The following NLGN1 variants were observed in gnomAD, a reference collection of about 807,000 sequenced individuals.
NLGN1 encodes the protein neuroligin-1.
Under a neutral mutation model 65.5 loss-of-function variants are expected in NLGN1, and 12 were observed. The ratio of observed to expected loss-of-function variants is 0.18; its 90% CI spans 0.12 to 0.30. The LOEUF (loss-of-function observed/expected upper bound fraction) is 0.30. NLGN1 is among the 10% of genes least tolerant of loss of function. NLGN1 has a pLI of 1.00. For synonymous variants in NLGN1, 350 were observed against 359.5 expected, an observed-to-expected ratio of 0.97 and a Z score of 0.30; for missense variants, 750 against 1,007.1, an observed-to-expected ratio of 0.74 and a Z score of 3.46.
At chr3:174,047,485 A>C (rs911348516) in intron 4 of NLGN1, among the ~76,000 whole-genome samples, 1 of 152,098 alleles carries the variant, frequency 6.6e-6, no homozygotes, top group East Asian at 1.9e-4. Flanking sequence ...CACCATATGC[A>C]CATACTATTG....
At chr3:173,789,099 T>C (rs1268456128) in intron 3 of NLGN1, among the ~76,000 whole-genome samples, 2 of 151,566 alleles carry the variant, frequency 1.3e-5, no homozygotes, top group South Asian at 2.1e-4. Context: ...CTCAGGAGGC[T>C]GAGGAAGGAG....
intron 4 of NLGN1, among the ~76,000 whole-genome samples, chr3:174,167,004 C>G (rs1727619337): frequency 6.6e-6 from 1 of 151,904 alleles, no homozygotes. Flanking sequence ...AATTGCAACC[C>G]CTACTCTTTT....
At chr3:173,861,360 TA>T (rs879814820) in intron 4 of NLGN1, among the ~76,000 whole-genome samples, 54 of 149,906 alleles carry the variant, frequency 3.6e-4, no homozygotes, top group African/African-American at 1.2e-3. Flanking sequence ...CACTAGAAAT[TA>T]AAAAAAAATG....
chr3:173,697,248 A>G (rs1003648239), intron 3 of NLGN1, among the ~76,000 whole-genome samples: 7 of 152,272 alleles, frequency 4.6e-5, no homozygotes, highest in African/African-American at 1.7e-4. Flanking sequence ...TGTCAGAAGG[A>G]TATGCTTGGG....
chr3:174,018,873 A>G (rs932664110), intron 4 of NLGN1, among the ~76,000 whole-genome samples: 3 of 152,176 alleles, frequency 2.0e-5, no homozygotes, highest in African/African-American at 7.2e-5. Context: ...GTTAAACCTA[A>G]TACTATATTT....
intron 3 of NLGN1, among the ~76,000 whole-genome samples, chr3:173,714,439 A>C (rs1769509092): frequency 2.0e-5 from 3 of 152,146 alleles, no homozygotes; most frequent in Admixed American, 2.0e-4. Context: ...TTCTTAGGCT[A>C]GGAGAAATGG....
chr3:173,781,448 A>C (rs1781146549), intron 3 of NLGN1, among the ~76,000 whole-genome samples: 1 of 152,198 alleles, frequency 6.6e-6, no homozygotes, highest in Non-Finnish European at 1.5e-5. Flanking sequence ...AATATAAAAA[A>C]ATTGAATTTG....
At chr3:174,106,478 TG>T (rs1438261579) in intron 4 of NLGN1, among the ~76,000 whole-genome samples, 1 of 152,076 alleles carries the variant, frequency 6.6e-6, no homozygotes, top group Non-Finnish European at 1.5e-5. Context: ...AAGAATTAAT[TG>T]TGTTCACATA....
At chr3:173,419,644 T>C (rs1413667201) in intron 1 of NLGN1, among the ~76,000 whole-genome samples, 1 of 152,088 alleles carries the variant, frequency 6.6e-6, no homozygotes, top group Admixed American at 6.6e-5. Flanking sequence ...CCTGGCTCTG[T>C]TGTCTGATTC....
At chr3:173,496,245 T>G (rs1359669821) in intron 2 of NLGN1, among the ~76,000 whole-genome samples, 1 of 151,828 alleles carries the variant, frequency 6.6e-6, no homozygotes, top group African/African-American at 2.4e-5. Context: ...GCTGCCATCA[T>G]GGGCTCTTAA....
At chr3:174,272,514 C>G (rs1159468885) in intron 4 of NLGN1, among the ~76,000 whole-genome samples, 2 of 151,660 alleles carry the variant, frequency 1.3e-5, no homozygotes, top group Non-Finnish European at 3.0e-5. Flanking sequence ...TATCTCTCTA[C>G]CAGGTCTGAA....
chr3:174,084,286 A>G (rs1332642969), intron 4 of NLGN1, among the ~76,000 whole-genome samples: 1 of 152,184 alleles, frequency 6.6e-6, no homozygotes, highest in Non-Finnish European at 1.5e-5. Flanking sequence ...AAAATAATCT[A>G]CAGGCACTTA....
At chr3:173,820,116 T>C (rs1409660276) in intron 4 of NLGN1, among the ~76,000 whole-genome samples, 1 of 151,002 alleles carries the variant, frequency 6.6e-6, no homozygotes, top group African/African-American at 2.4e-5. Flanking sequence ...GAGGCGGAGC[T>C]TGCAGTGAGC....
rs981883298 is a variant in NLGN1 at position 173,932,037 on chromosome 3, T to A, written c.646+124205T>A. Reference sequence around the variant, plus strand: ...TTTTTCTGTTTTGTTTTGTTTTGTTTTGTTTTGTTTTCCAGAGCAAATGGA... The same window carrying A: ...TTTTTCTGTTTTGTTTTGTTTTGTTATGTTTTGTTTTCCAGAGCAAATGGA... On this transcript the variant is annotated intron_variant, in intron 4 of 6. Coordinates refer to ENST00000457714, the Ensembl canonical transcript of NLGN1. Among the ~76,000 whole-genome samples, 4 of 152,248 alleles carry A rather than the reference T, an allele frequency of 2.6e-5. No individual in the cohort carries two copies. In the South Asian group the frequency reaches 6.2e-4, roughly 24 times the overall value.
chr3:173,541,277 A>G (rs1035488522), intron 2 of NLGN1, among the ~76,000 whole-genome samples: 1 of 152,142 alleles, frequency 6.6e-6, no homozygotes, highest in Non-Finnish European at 1.5e-5. Flanking sequence ...ATGAAATATA[A>G]TCCTAGTGTA....
intron 4 of NLGN1, among the ~76,000 whole-genome samples, chr3:173,860,809 G>A (rs1357030502): frequency 2.0e-5 from 3 of 152,042 alleles, no homozygotes; most frequent in African/African-American, 4.8e-5. Context: ...GCCTCTAACT[G>A]CCTACCTGCT....
intron 2 of NLGN1, among the ~76,000 whole-genome samples, chr3:173,490,449 C>G (rs1226900981): frequency 1.3e-5 from 2 of 152,104 alleles, no homozygotes; most frequent in Non-Finnish European, 2.9e-5. Context: ...TTCCATTGGT[C>G]TATATCTCTG....
chr3:173,576,519 C>T (rs924226707), intron 2 of NLGN1, among the ~76,000 whole-genome samples: 9 of 152,252 alleles, frequency 5.9e-5, no homozygotes, highest in Admixed American at 2.6e-4. Context: ...CTCCTTCTTT[C>T]GTCTTCTAAG....
At chr3:173,405,413 C>T (rs1021945436) in intron 1 of NLGN1, among the ~76,000 whole-genome samples, 2 of 151,876 alleles carry the variant, frequency 1.3e-5, no homozygotes, top group Admixed American at 6.6e-5. Flanking sequence ...GCTACTATGC[C>T]TCCACTACTG....
Sources: gnomAD v4.1 joint callset for allele counts (sites outside exome capture counted in the v4.1 genomes callset) on GRCh38, gnomAD v4.1.1 for gene constraint, MANE v1.5 for transcripts, NCBI Gene and HGNC (gene_info 2026-07-23, HGNC 2026-07-21) for gene names.